The following CLIP4 variants were observed in gnomAD, a reference collection of about 807,000 sequenced individuals.
CLIP4 encodes the protein CAP-Gly domain containing linker protein family member 4.
In CLIP4, 47 loss-of-function variants were observed where a neutral mutation model predicts 73.1. The observed-to-expected ratio is 0.64, with a 90% CI of 0.51 to 0.82. The LOEUF (loss-of-function observed/expected upper bound fraction) is 0.82, where lower values mean the gene tolerates loss of function less well. Among genes scored for constraint, CLIP4 ranks in the 40% least tolerant of loss-of-function variants. The probability of loss-of-function intolerance (pLI) is 0.00; values close to 1 mark genes in which losing one functional copy is unlikely to be tolerated. For missense variants in CLIP4, 874 were observed against 852.9 expected (o/e 1.02, Z -0.31); for synonymous variants, 306 against 295.4 (o/e 1.04, Z -0.37).
At position 29,181,708 on chromosome 2, in the gene CLIP4, C is replaced by T; in HGVS notation, c.1933C>T (p.Pro645Ser). ...NEMGTVRYVG[P>S]TDFASGIWLG... ...GATGGGTACTGTTAGGTATGTGGGC[C>T]CCACTGACTTTGCTTCAGGTATCTG... The change falls in exon 16 of 16, where the codon CCC (proline) becomes TCC (serine). Residue 645 changes from proline to serine, a missense_variant. Coordinates refer to ENST00000320081, the MANE Select transcript of CLIP4 (RefSeq NM_024692.6). 9 of 1,614,114 alleles carry T rather than the reference C, an allele frequency of 5.6e-6. No homozygotes were observed. Among genetic ancestry groups the T allele is most frequent in the Non-Finnish European group, 6.8e-6 (8 of 1,180,006 alleles).
chr2:29,124,067 G>T (rs1664437311), intron 2 of CLIP4, among the ~76,000 whole-genome samples: 1 of 152,134 alleles, frequency 6.6e-6, no homozygotes, highest in African/African-American at 2.4e-5. Context: ...ATTTACCCAT[G>T]TAGTTACCAT....
At chr2:29,110,863 A>AT (rs1041535761), upstream of CLIP4, among the ~76,000 whole-genome samples, 2 of 152,058 alleles carry the variant, frequency 1.3e-5, no homozygotes, top group Admixed American at 6.5e-5. Flanking sequence ...TAATTTTTGT[A>AT]TTTTTAGCAG....
intron 12 of CLIP4, among the ~76,000 whole-genome samples, chr2:29,160,932 A>G (rs1348441653): frequency 6.6e-6 from 1 of 152,166 alleles, no homozygotes; most frequent in Non-Finnish European, 1.5e-5. Flanking sequence ...TTATATATTC[A>G]TTCCAATCTA....
In CLIP4 at chr2:29,129,918, C is replaced by A. The variant is rs1436064853; in HGVS notation, c.134-1340C>A. On this transcript the variant is annotated intron_variant, in intron 2 of 15. Transcript: ENST00000320081. ...ATTCTGATCCACAGTGTTTTTGGAC[C>A]CCATCTTTGCATTAGATTCTCTGAA... is the stretch of plus-strand genomic sequence containing the variant. The A allele has an allele frequency of 6.8e-6, 3 of 442,676 alleles. No individual in the cohort carries two copies. The Admixed American group carries it at 7.2e-5, about 11-fold the overall frequency. 27.4% of individuals were successfully genotyped at this position (442,676 alleles called of 1,614,324 possible).
chr2:29,132,028 G>A (rs1183905387), intron 3 of CLIP4, 124 bp from the exon 4 acceptor site: 2 of 684,102 alleles, frequency 2.9e-6, no homozygotes, highest in Non-Finnish European at 5.2e-6. Context: ...TGCTCATACT[G>A]TCTATACATT....
intron 1 of CLIP4, among the ~76,000 whole-genome samples, chr2:29,116,352 G>A (rs1339987413): frequency 6.6e-6 from 1 of 152,216 alleles, no homozygotes; most frequent in African/African-American, 2.4e-5. Context: ...CGTATCAGAG[G>A]ATGATGTTCC....
intron 6 of CLIP4, among the ~76,000 whole-genome samples, chr2:29,140,224 C>A (rs1665664644): frequency 6.6e-6 from 1 of 152,104 alleles, no homozygotes; most frequent in African/African-American, 2.4e-5. Flanking sequence ...AGCTATCCCT[C>A]CCCTCTCCTC....
At chr2:29,156,811 A>G (rs1038599251) in intron 10 of CLIP4, among the ~76,000 whole-genome samples, 7 of 152,172 alleles carry the variant, frequency 4.6e-5, no homozygotes, top group South Asian at 4.1e-4. Flanking sequence ...TTAACTCAAA[A>G]TGTCTTAATA....
chr2:29,151,905 G>A (rs1027004392), intron 8 of CLIP4, among the ~76,000 whole-genome samples: 14 of 151,918 alleles, frequency 9.2e-5, no homozygotes, highest in Non-Finnish European at 2.1e-4. Flanking sequence ...CCTTTTTGGT[G>A]GAATTTTGTA....
chr2:29,119,438 TG>T (rs1398411747), intron 1 of CLIP4, among the ~76,000 whole-genome samples: 1 of 152,178 alleles, frequency 6.6e-6, no homozygotes, highest in African/African-American at 2.4e-5. Context: ...AGGGAAGTCA[TG>T]TGGTGACTCC....
At chr2:29,166,246 C>A (rs1667606897) in intron 13 of CLIP4, among the ~76,000 whole-genome samples, 1 of 152,044 alleles carries the variant, frequency 6.6e-6, no homozygotes, top group South Asian at 2.1e-4. Flanking sequence ...TGAGGACAGT[C>A]TTAATAAGGT....
At chr2:29,167,617 T>C (rs997424417) in intron 14 of CLIP4, 77 bp downstream of exon 14, 2 of 1,105,988 alleles carry the variant, frequency 1.8e-6, no homozygotes, top group African/African-American at 3.2e-5. Context: ...TTATGAGGTA[T>C]TGTATACAAA....
chr2:29,133,601 C>A, intron 4 of CLIP4, 54 bp from the exon 5 acceptor site: 1 of 1,528,410 alleles, frequency 6.5e-7, no homozygotes, highest in Admixed American at 1.9e-5. Context: ...GGTAGCCATC[C>A]ATTGGAACTT....
chr2:29,107,094 T>C (rs1668228973), intron 1 of CLIP4, among the ~76,000 whole-genome samples: 1 of 152,166 alleles, frequency 6.6e-6, no homozygotes, highest in South Asian at 2.1e-4. Flanking sequence ...TGATCCATTG[T>C]TGACAAGGTG....
intron 1 of CLIP4, among the ~76,000 whole-genome samples, chr2:29,100,794 T>C (rs188786268): frequency 1.3e-5 from 2 of 151,894 alleles, no homozygotes; most frequent in East Asian, 2.0e-4. Context: ...TTAGCACATA[T>C]CACATTGGGC....
chr2:29,129,445 G>T (rs572490672), intron 2 of CLIP4, among the ~76,000 whole-genome samples: 1 of 151,586 alleles, frequency 6.6e-6, no homozygotes, highest in Admixed American at 6.6e-5. Context: ...TAAGATCTCT[G>T]TGTCTGTTTG....
intron 2 of CLIP4, chr2:29,130,989 T>C: frequency 9.4e-7 from 1 of 1,068,014 alleles, no homozygotes; most frequent in Non-Finnish European, 1.2e-6. Context: ...CTGTGCGATG[T>C]TGAGCTGGTA....
chr2:29,181,569 C>A lies in CLIP4; in HGVS notation c.1797-3C>A. ...ATTTTTCCCACTTTTCCCTTCCGCA[C>A]AGATCGAAAGCTGCTTTGCGTCGCA... On this transcript the variant is annotated splice_polypyrimidine_tract_variant and splice_region_variant and intron_variant, in intron 15 of 15. Transcript: ENST00000320081. 6.3e-7 allele frequency: 1 copy of A among 1,598,588 alleles called. No individual in the cohort carries two copies. Among genetic ancestry groups the A allele is most frequent in the Admixed American group, 1.7e-5 (1 of 58,792 alleles).
At chr2:29,174,764 GTAAT>G in intron 15 of CLIP4, 3 of 679,180 alleles carry the variant, frequency 4.4e-6, no homozygotes, top group Non-Finnish European at 5.5e-6. Flanking sequence ...CTCTCCTTAA[GTAAT>G]GAGAGATTTG....
Sources: gnomAD v4.1 joint callset for allele counts (sites outside exome capture counted in the v4.1 genomes callset) on GRCh38, gnomAD v4.1.1 for gene constraint, MANE v1.5 for transcripts, NCBI Gene and HGNC (gene_info 2026-07-23, HGNC 2026-07-21) for gene names.